ASTN1: variants seen among roughly 807,000 people sequenced by gnomAD.
The protein encoded by ASTN1 is astrotactin-1.
In ASTN1, 41 loss-of-function variants were observed where a neutral mutation model predicts 140.7. The ratio of observed to expected loss-of-function variants is 0.29; its 90% CI spans 0.23 to 0.38. ASTN1 has a LOEUF of 0.38. Ranked by LOEUF, ASTN1 falls within the 10% of genes least tolerant of loss-of-function variation. The probability of loss-of-function intolerance (pLI) is 1.00; values close to 1 mark genes in which losing one functional copy is unlikely to be tolerated. For missense variants in ASTN1, 1,479 were observed against 1,678.8 expected (o/e 0.88, Z 2.08); for synonymous variants, 640 against 652.2 (o/e 0.98, Z 0.29).
intron 16 of ASTN1, among the ~76,000 whole-genome samples, chr1:176,909,991 C>T (rs191355158): frequency 6.6e-6 from 1 of 152,268 alleles, no homozygotes; most frequent in Non-Finnish European, 1.5e-5. Flanking sequence ...TAGAGTCAAA[C>T]AAACCACACA....
At chr1:176,898,481 G>A (rs150019389) in intron 16 of ASTN1, among the ~76,000 whole-genome samples, 9 of 152,286 alleles carry the variant, frequency 5.9e-5, no homozygotes, top group Non-Finnish European at 1.0e-4. Context: ...CATTTCCTAT[G>A]TTCAGTTAAA....
At chr1:176,985,026 C>A (rs1031737959) in intron 8 of ASTN1, among the ~76,000 whole-genome samples, 7 of 152,198 alleles carry the variant, frequency 4.6e-5, no homozygotes, top group African/African-American at 1.4e-4. Context: ...AGCTTCTAAG[C>A]AGTGGTGGGA....
At chr1:177,051,019 G>A (rs190732885) in intron 2 of ASTN1, among the ~76,000 whole-genome samples, 1 of 152,168 alleles carries the variant, frequency 6.6e-6, no homozygotes, top group Non-Finnish European at 1.5e-5. Flanking sequence ...TCAAGTCGAA[G>A]CATAGTTTTG....
chr1:176,986,914 T>G (rs550644758), intron 8 of ASTN1, among the ~76,000 whole-genome samples: 81 of 152,206 alleles, frequency 5.3e-4, no homozygotes, highest in Non-Finnish European at 1.0e-3. Flanking sequence ...CATCACCTGT[T>G]GCAACTGTCC....
intron 7 of ASTN1, among the ~76,000 whole-genome samples, chr1:177,015,368 G>A (rs1675495342): frequency 6.6e-6 from 1 of 152,164 alleles, no homozygotes; most frequent in Non-Finnish European, 1.5e-5. Flanking sequence ...CTTGTAGACA[G>A]CTTGTAAGTG....
chr1:177,022,378 A>G (rs1675875635), intron 7 of ASTN1, among the ~76,000 whole-genome samples: 1 of 152,214 alleles, frequency 6.6e-6, no homozygotes, highest in Admixed American at 6.5e-5. Context: ...CTAAGGGATC[A>G]TACTACTTTG....
At chr1:176,969,086 C>T (rs1022505102) in intron 8 of ASTN1, among the ~76,000 whole-genome samples, 31 of 152,114 alleles carry the variant, frequency 2.0e-4, no homozygotes, top group African/African-American at 7.0e-4. Context: ...TTACTTGAGA[C>T]CCACTGAAAG....
intron 8 of ASTN1, among the ~76,000 whole-genome samples, chr1:176,988,216 T>C (rs1488771986): frequency 6.7e-6 from 1 of 148,814 alleles, no homozygotes; most frequent in Non-Finnish European, 1.5e-5. Flanking sequence ...ATCTGGGAGA[T>C]GGGGAGGTCA....
intron 1 of ASTN1, among the ~76,000 whole-genome samples, chr1:177,067,982 C>T (rs1487819848): frequency 6.6e-6 from 1 of 152,106 alleles, no homozygotes; most frequent in Non-Finnish European, 1.5e-5. Context: ...AATCCCGCAT[C>T]CCAGATGAGA....
At chr1:177,047,400 G>T (rs1454079234) in intron 2 of ASTN1, among the ~76,000 whole-genome samples, 2 of 152,148 alleles carry the variant, frequency 1.3e-5, no homozygotes, top group Middle Eastern at 3.2e-3. Context: ...TGTCAGGGTA[G>T]CTCACAGAGG....
chr1:176,985,869 CA>C (rs1673878374), intron 8 of ASTN1, among the ~76,000 whole-genome samples: 1 of 150,234 alleles, frequency 6.7e-6, no homozygotes, highest in African/African-American at 2.5e-5. Context: ...CACACACACA[CA>C]CACACACACA....
chr1:177,083,264 G>T (rs1679267410), intron 1 of ASTN1, among the ~76,000 whole-genome samples: 1 of 152,146 alleles, frequency 6.6e-6, no homozygotes, highest in East Asian at 1.9e-4. Context: ...TTGGTTGTCT[G>T]GGCAGAGTAT....
chr1:177,139,473 A>G (rs905120761), intron 1 of ASTN1, among the ~76,000 whole-genome samples: 2 of 152,230 alleles, frequency 1.3e-5, no homozygotes, highest in South Asian at 2.1e-4. Context: ...GCCAATGCAT[A>G]TAAGTCCTGA....
chr1:176,966,648 CAT>C (rs1186594284), intron 8 of ASTN1, among the ~76,000 whole-genome samples: 2 of 152,072 alleles, frequency 1.3e-5, no homozygotes, highest in African/African-American at 4.8e-5. Flanking sequence ...CAATACAGCA[CAT>C]GTGTATCAGT....
At chr1:177,088,041 T>G (rs1168000147) in intron 1 of ASTN1, among the ~76,000 whole-genome samples, 1 of 152,232 alleles carries the variant, frequency 6.6e-6, no homozygotes, top group East Asian at 1.9e-4. Flanking sequence ...TGTAAGGTAT[T>G]ATCATCACCT....
At chr1:177,003,319 A>T (rs574640833) in intron 8 of ASTN1, among the ~76,000 whole-genome samples, 1 of 152,168 alleles carries the variant, frequency 6.6e-6, no homozygotes, top group South Asian at 2.1e-4. Flanking sequence ...CATCCTAGGG[A>T]TGCAGAAATT....
intron 2 of ASTN1, among the ~76,000 whole-genome samples, chr1:177,056,317 G>C (rs1384713913): frequency 6.6e-6 from 1 of 152,148 alleles, no homozygotes; most frequent in South Asian, 2.1e-4. Context: ...TCCCAACATT[G>C]TTTCTCCCAG....
intron 8 of ASTN1, among the ~76,000 whole-genome samples, chr1:177,013,139 C>T (rs998206318): frequency 6.6e-6 from 1 of 152,134 alleles, no homozygotes; most frequent in African/African-American, 2.4e-5. Context: ...CAGGCTGCCT[C>T]ATATGTAGCT....
intron 1 of ASTN1, among the ~76,000 whole-genome samples, chr1:177,118,355 T>C (rs1006475419): frequency 4.6e-5 from 7 of 152,182 alleles, no homozygotes; most frequent in African/African-American, 1.7e-4. Flanking sequence ...CGAATTAACA[T>C]GCACAGAGTG....
Sources: allele counts gnomAD v4.1 joint callset (sites outside exome capture counted in the v4.1 genomes callset), GRCh38; gene constraint gnomAD v4.1.1; transcripts MANE v1.5; gene names NCBI Gene and HGNC (gene_info 2026-07-23, HGNC 2026-07-21).